SBNO2: variants seen among roughly 807,000 people sequenced by gnomAD.
The protein encoded by SBNO2 is strawberry notch homolog 2, also known as protein strawberry notch homolog 2.
Under a neutral mutation model 146.3 loss-of-function variants are expected in SBNO2, and 89 were observed. That is an observed-to-expected ratio of 0.61 (90% CI 0.51 to 0.73). The LOEUF (loss-of-function observed/expected upper bound fraction) is 0.73, where lower values mean the gene tolerates loss of function less well. SBNO2 is among the 30% of genes least tolerant of loss of function. SBNO2 has a pLI of 0.00. For missense variants in SBNO2, 2,092 were observed against 2,003.7 expected (o/e 1.04, Z -0.84); for synonymous variants, 1,147 against 892.6 (o/e 1.29, Z -5.08).
intron 1 of SBNO2, among the ~76,000 whole-genome samples, chr19:1,171,022 A>C (rs2145364922): frequency 6.6e-6 from 1 of 152,034 alleles, no homozygotes; most frequent in East Asian, 1.9e-4. Flanking sequence ...AACACACAAA[A>C]TACAGACACA....
intron 1 of SBNO2, among the ~76,000 whole-genome samples, chr19:1,162,482 T>C (rs1373229905): frequency 6.7e-6 from 1 of 148,504 alleles, no homozygotes; most frequent in Non-Finnish European, 1.5e-5. Context: ...AGAAACGCTG[T>C]TGGGGGCAGG....
At position 1,108,298 on chromosome 19, in the gene SBNO2, G is replaced by GCCCCCCCCCCCCCCCCCCCCC; in HGVS notation, c.4022_4023insGGGGGGGGGGGGGGGGGGGGG (p.Gly1341_Ala1342insGlyGlyGlyGlyGlyGlyGly). ...GCCGCTCGGGACCACCGCCCGCCGC[G>GCCCCCCCCCCCCCCCCCCCCC]CCCCCCGCCCCCGCGCCCTCCCCCA... On this transcript the variant is annotated inframe_insertion, in exon 32 of 32. Transcript: ENST00000361757. The GCCCCCCCCCCCCCCCCCCCCC allele has an allele frequency of 6.7e-7, 1 of 1,482,358 alleles. No homozygotes were observed. The highest frequency in any genetic ancestry group is 9.0e-7 in the Non-Finnish European group (1 of 1,112,316). The allele number at this position is 1,482,358 out of a possible 1,614,324, so 91.8% of individuals were successfully genotyped here. A position where few individuals can be genotyped will look rare whatever the true frequency, so the allele number is the denominator to read the frequency against.
intron 4 of SBNO2, 90 bp from the exon 5 acceptor site, chr19:1,127,855 C>T (rs371915767): frequency 1.4e-4 from 167 of 1,207,040 alleles, no homozygotes; most frequent in East Asian, 1.1e-3. Context: ...GGAGACACCA[C>T]GGCCCTCCAC....
At chr19:1,165,981 CCGCAAGAT>C (rs2080415938) in intron 1 of SBNO2, among the ~76,000 whole-genome samples, 1 of 66,428 alleles carries the variant, frequency 1.5e-5, no homozygotes. Flanking sequence ...AGATCCCAGA[CCGCAAGAT>C]CCCAGACCCC....
chr19:1,157,141 G>A lies in SBNO2; in HGVS notation c.-126-2739C>T, dbSNP rs996713073. On this transcript the variant is annotated intron_variant, in intron 1 of 31. Coordinates refer to ENST00000361757, the MANE Select transcript of SBNO2 (RefSeq NM_014963.3). The surrounding 1 kb of genome is among the most constrained non-coding windows in gnomAD (Gnocchi z 6.8). ...CTGTCCGAGGGCCCACGCCCCCAAGGGCTGGCTCCCACCCCATGGTCCTGA... is the reference window on the plus strand; with the variant it reads ...CTGTCCGAGGGCCCACGCCCCCAAGAGCTGGCTCCCACCCCATGGTCCTGA... Among the ~76,000 whole-genome samples the A allele has an allele frequency of 1.1e-4, 16 of 151,980 alleles. No homozygotes were observed. Among genetic ancestry groups the A allele is most frequent in the Non-Finnish European group, 2.2e-4 (15 of 67,970 alleles).
At position 1,150,750 on chromosome 19, in the gene SBNO2, G is replaced by A. The variant is rs1322579125; in HGVS notation, c.94-1308C>T. 2.0e-5 allele frequency among the ~76,000 whole-genome samples: 3 copies of A among 151,958 alleles called. No individual in the cohort carries two copies. The highest frequency in any genetic ancestry group is 4.8e-5 in the African/African-American group (2 of 41,304). On this transcript the variant is annotated intron_variant, in intron 2 of 31. Coordinates refer to ENST00000361757, the MANE Select transcript of SBNO2 (RefSeq NM_014963.3). This position sits in a 1 kb window ranked among gnomAD's most constrained non-coding sequence, Gnocchi z 6.2. ...GCCCTGATGCAATTCCCTGGGGCTC[G>A]GCCACCTCTGCCCCTCATTCACCTC...
chr19:1,164,047 G>A (rs1396408981), intron 1 of SBNO2, among the ~76,000 whole-genome samples: 1 of 152,230 alleles, frequency 6.6e-6, no homozygotes, highest in Non-Finnish European at 1.5e-5. Flanking sequence ...CTCCCTCCAG[G>A]TGGGTCCTCT....
chr19:1,160,056 C>T (rs376504070), intron 1 of SBNO2, among the ~76,000 whole-genome samples: 10 of 152,136 alleles, frequency 6.6e-5, no homozygotes, highest in Non-Finnish European at 1.2e-4. Flanking sequence ...GCCACATTCC[C>T]GCACCACCCT....
Position 1,110,821 on chromosome 19 carries a change from G to A in SBNO2, c.2952C>T (p.Phe984=), listed in dbSNP as rs770174993. Residue 984 remains phenylalanine (F), a synonymous_variant, in exon 26 of 32, where the codon TTC becomes TTT. Transcript: ENST00000361757. This position sits in a 1 kb window ranked among gnomAD's most constrained non-coding sequence, Gnocchi z 4.9. ...GGTCGAAGGTGTCTGAGAAGTACTG[G>A]AACAGGGCGTTCTGCTTGTGCACCT... ...GLEVHKQNAL[F]QYFSDTFDHL... 138 of 1,613,542 alleles carry A rather than the reference G, an allele frequency of 8.6e-5. No homozygotes were observed. Among genetic ancestry groups the A allele is most frequent in the Non-Finnish European group, 1.1e-4 (133 of 1,179,736 alleles).
intron 9 of SBNO2, 34 bp from the exon 10 acceptor site, chr19:1,122,592 T>TTG: frequency 6.9e-7 from 1 of 1,455,720 alleles, no homozygotes; most frequent in Non-Finnish European, 9.2e-7. Flanking sequence ...CGCCCACCCT[T>TTG]CCCCCTCGCC....
chr19:1,119,475 A>ACCCCC, intron 13 of SBNO2, 41 bp downstream of exon 13: 1 of 977,840 alleles, frequency 1.0e-6, no homozygotes, highest in Non-Finnish European at 1.6e-6. Context: ...CCTCCTCCCC[A>ACCCCC]CCCCCCGCCG....
intron 1 of SBNO2, among the ~76,000 whole-genome samples, chr19:1,171,578 C>T (rs960965604): frequency 2.0e-5 from 3 of 152,160 alleles, no homozygotes; most frequent in Non-Finnish European, 2.9e-5. Context: ...CTCTGGGAGC[C>T]GGACTGGTTC....
At chr19:1,127,800 C>T (rs769972894) in intron 4 of SBNO2, 35 bp from the exon 5 acceptor site, 17 of 1,601,106 alleles carry the variant, frequency 1.1e-5, no homozygotes, top group Middle Eastern at 3.3e-4. Flanking sequence ...GAGGGTGGTA[C>T]GGGAGACACC....
chr19:1,134,033 T>C (rs1264495949), intron 4 of SBNO2, among the ~76,000 whole-genome samples: 3 of 151,088 alleles, frequency 2.0e-5, no homozygotes, highest in Non-Finnish European at 4.4e-5. Context: ...GACCCACAGC[T>C]CAAGGGTGGA....
In SBNO2 at chr19:1,173,023, T is replaced by C. The variant is rs2080496417; in HGVS notation, c.-127+1149A>G. Among the ~76,000 whole-genome samples the C allele has an allele frequency of 6.6e-6, 1 of 150,744 alleles. No individual in the cohort carries two copies. Among genetic ancestry groups the C allele is most frequent in the Non-Finnish European group, 1.5e-5 (1 of 67,706 alleles). ...TTTTTTTTTTTAACTTTTCAGAATG[T>C]TAATCAGTTCATCCAGGGAGACACC... On this transcript the variant is annotated intron_variant, in intron 1 of 31. Coordinates refer to ENST00000361757, the MANE Select transcript of SBNO2 (RefSeq NM_014963.3). This position sits in a 1 kb window ranked among gnomAD's most constrained non-coding sequence, Gnocchi z 4.7.
rs776016390 is a variant in SBNO2 at position 1,151,761 on chromosome 19, C to A, written c.94-2319G>T. On this transcript the variant is annotated intron_variant, in intron 2 of 31. Coordinates refer to ENST00000361757, the MANE Select transcript of SBNO2 (RefSeq NM_014963.3). ...CACTGCAACCTCCACCTCCCGAGTT[C>A]AAGCGATTCTCCTGTCTCAGCCTCA... 4.6e-5 allele frequency among the ~76,000 whole-genome samples: 7 copies of A among 152,352 alleles called. No homozygotes were observed. The South Asian group carries it at 1.0e-3, about 23-fold the overall frequency.
chr19:1,153,062 G>C (rs1180015957), intron 2 of SBNO2, among the ~76,000 whole-genome samples: 1 of 151,710 alleles, frequency 6.6e-6, no homozygotes, highest in African/African-American at 2.4e-5. Flanking sequence ...GGCTGAGGCA[G>C]GAGAATCACT....
At chr19:1,149,543 G>A in intron 2 of SBNO2, 101 bp from the exon 3 acceptor site, 1 of 1,107,116 alleles carries the variant, frequency 9.0e-7, no homozygotes, top group South Asian at 1.4e-5. Flanking sequence ...GGCTAGGGAG[G>A]CCCCGCAGTC....
chr19:1,120,126 G>A (rs954458878), intron 11 of SBNO2, 103 bp from the exon 12 acceptor site: 11 of 890,668 alleles, frequency 1.2e-5, no homozygotes, highest in Middle Eastern at 4.4e-4. Flanking sequence ...GGGGGCAAAC[G>A]CCTGTGCGGC....
Sources: gnomAD v4.1 joint callset for allele counts (sites outside exome capture counted in the v4.1 genomes callset) on GRCh38, gnomAD v4.1.1 for gene constraint, Gnocchi (gnomAD v3.1) non-coding constraint, MANE v1.5 for transcripts, NCBI Gene and HGNC (gene_info 2026-07-23, HGNC 2026-07-21) for gene names.